EPHA6: variants seen among roughly 807,000 people sequenced by gnomAD.
EPHA6 encodes the protein EPH receptor A6.
EPHA6 carries 50 observed loss-of-function variants against 112.0 expected under a neutral mutation model. That is an observed-to-expected ratio of 0.45 (90% CI 0.36 to 0.56). The LOEUF (loss-of-function observed/expected upper bound fraction) is 0.56, where lower values mean the gene tolerates loss of function less well. Ranked by LOEUF, EPHA6 falls within the 20% of genes least tolerant of loss-of-function variation. EPHA6 has a pLI of 0.00. For synonymous variants in EPHA6, 529 were observed against 490.7 expected (o/e 1.08, Z -1.03); for missense variants, 1,280 against 1,417.4 (o/e 0.90, Z 1.56).
At chr3:97,481,676 C>A (rs573693724) in intron 9 of EPHA6, among the ~76,000 whole-genome samples, 1 of 150,500 alleles carries the variant, frequency 6.6e-6, no homozygotes, top group East Asian at 2.0e-4. Context: ...GGCCGCCCGG[C>A]CCCGCCCCGC....
At chr3:97,324,527 T>TTCTTTCTTTCTTTCTTTCTC (rs1553746479) in intron 5 of EPHA6, among the ~76,000 whole-genome samples, 1 of 141,910 alleles carries the variant, frequency 7.0e-6, no homozygotes, top group Admixed American at 7.3e-5. Context: ...CTTTCTTTCT[T>TTCTTTCTTTCTTTCTTTCTC]TCTTTCTCTC....
chr3:96,994,726 TATATATAGAGAGAG>T (rs1559653617), intron 3 of EPHA6, among the ~76,000 whole-genome samples: 1 of 78,292 alleles, frequency 1.3e-5, no homozygotes. Flanking sequence ...TATATATATA[TATATATAGAGAGAG>T]AGAGAGAGAG....
chr3:97,541,161 G>A (rs2092843759), intron 11 of EPHA6, among the ~76,000 whole-genome samples: 1 of 152,054 alleles, frequency 6.6e-6, no homozygotes, highest in Non-Finnish European at 1.5e-5. Context: ...ATGAAAATCT[G>A]GTAAGGTCCT....
intron 1 of EPHA6, among the ~76,000 whole-genome samples, chr3:96,848,026 T>G (rs2035173451): frequency 6.6e-6 from 1 of 152,138 alleles, no homozygotes; most frequent in South Asian, 2.1e-4. Context: ...ATGTGTTCAT[T>G]CATTCTACAT....
At chr3:97,566,242 A>G (rs530838765) in intron 11 of EPHA6, among the ~76,000 whole-genome samples, 1 of 152,140 alleles carries the variant, frequency 6.6e-6, no homozygotes, top group African/African-American at 2.4e-5. Context: ...ACAAGAACAC[A>G]GTTATCACCA....
chr3:97,706,415 G>A (rs1449461415), intron 14 of EPHA6, among the ~76,000 whole-genome samples: 1 of 152,174 alleles, frequency 6.6e-6, no homozygotes, highest in Non-Finnish European at 1.5e-5. Context: ...ATAAAATTCT[G>A]TTTTGTAGGA....
chr3:97,327,954 T>TA (rs2082536482), intron 5 of EPHA6, among the ~76,000 whole-genome samples: 1 of 121,948 alleles, frequency 8.2e-6, no homozygotes. Flanking sequence ...TGTATATGTA[T>TA]CTGTGTGTAT....
At chr3:96,987,276 C>G (rs1480527671) in intron 2 of EPHA6, 54 bp from the exon 3 acceptor site, 1 of 1,439,008 alleles carries the variant, frequency 6.9e-7, no homozygotes, top group African/African-American at 1.4e-5. Flanking sequence ...GTAATCATTT[C>G]TGTTTAATCA....
intron 1 of EPHA6, among the ~76,000 whole-genome samples, chr3:96,862,734 G>A (rs1451972101): frequency 6.6e-6 from 1 of 151,866 alleles, no homozygotes; most frequent in Non-Finnish European, 1.5e-5. Flanking sequence ...CTGAAATGAT[G>A]TAGATAAAGA....
At chr3:96,980,629 A>C (rs1337437865) in intron 2 of EPHA6, among the ~76,000 whole-genome samples, 1 of 152,168 alleles carries the variant, frequency 6.6e-6, no homozygotes, top group Admixed American at 6.5e-5. Context: ...TTGAATCTAT[A>C]AATTACCTTG....
chr3:97,350,344 T>C (rs769666910), intron 5 of EPHA6, among the ~76,000 whole-genome samples: 3 of 152,048 alleles, frequency 2.0e-5, no homozygotes, highest in Non-Finnish European at 2.9e-5. Flanking sequence ...ATTAGCAAAA[T>C]ATTCAGCTAC....
At chr3:97,011,471 A>G (rs992265744) in intron 3 of EPHA6, among the ~76,000 whole-genome samples, 1 of 152,192 alleles carries the variant, frequency 6.6e-6, no homozygotes, top group Non-Finnish European at 1.5e-5. Context: ...GTATCAAGAA[A>G]CAAACAAGGG....
chr3:97,406,647 G>A (rs2087366199), intron 6 of EPHA6, among the ~76,000 whole-genome samples: 1 of 152,116 alleles, frequency 6.6e-6, no homozygotes, highest in South Asian at 2.1e-4. Context: ...AATGGGAGAG[G>A]TAACTTAGTA....
chr3:97,352,581 C>T (rs1436932239), intron 5 of EPHA6, among the ~76,000 whole-genome samples: 1 of 152,130 alleles, frequency 6.6e-6, no homozygotes, highest in Non-Finnish European at 1.5e-5. Flanking sequence ...AGTTGGTGCC[C>T]ACAAAGGGAA....
chr3:97,213,886 T>C (rs1446306388), intron 3 of EPHA6, among the ~76,000 whole-genome samples: 2 of 152,160 alleles, frequency 1.3e-5, no homozygotes, highest in Non-Finnish European at 2.9e-5. Context: ...GGTTTTTCTA[T>C]TTGTTTATTC....
intron 12 of EPHA6, among the ~76,000 whole-genome samples, chr3:97,599,342 A>G (rs1415261525): frequency 1.3e-5 from 2 of 150,658 alleles, no homozygotes; most frequent in Non-Finnish European, 3.0e-5. Flanking sequence ...ATCCTTGCCC[A>G]TGCCTATGTC....
chr3:97,116,623 G>T (rs2047895315), intron 3 of EPHA6, among the ~76,000 whole-genome samples: 1 of 151,636 alleles, frequency 6.6e-6, no homozygotes, highest in East Asian at 1.9e-4. Flanking sequence ...ATTTTACTTA[G>T]CATAATGTCC....
At chr3:97,250,074 A>G (rs996849641) in intron 5 of EPHA6, among the ~76,000 whole-genome samples, 1 of 152,348 alleles carries the variant, frequency 6.6e-6, no homozygotes, top group Admixed American at 6.5e-5. Context: ...CGAATTGAAG[A>G]GAAAATCTTG....
intron 6 of EPHA6, among the ~76,000 whole-genome samples, chr3:97,443,522 T>C (rs2090214716): frequency 6.6e-6 from 1 of 152,124 alleles, no homozygotes. Flanking sequence ...TGGACTTTAT[T>C]AAACAAATTC....
Sources: gnomAD v4.1 joint callset for allele counts (sites outside exome capture counted in the v4.1 genomes callset) on GRCh38, gnomAD v4.1.1 for gene constraint, MANE v1.5 for transcripts, NCBI Gene and HGNC (gene_info 2026-07-23, HGNC 2026-07-21) for gene names.